The following FHIT variants were observed in gnomAD, a reference collection of about 807,000 sequenced individuals.
FHIT encodes the protein fragile histidine triad diadenosine triphosphatase.
A neutral mutation model predicts 17.9 loss-of-function variants in FHIT; 19 were observed. The observed-to-expected ratio is 1.06, with a 90% CI of 0.74 to 1.56. FHIT has a LOEUF of 1.56. Ranked by LOEUF, FHIT falls within the 40% of genes most tolerant of loss-of-function variation. FHIT has a pLI of 0.00. For synonymous variants in FHIT, 81 were observed against 69.7 expected (o/e 1.16, Z -0.81); for missense variants, 248 against 189.2 (o/e 1.31, Z -1.82).
intron 4 of FHIT, among the ~76,000 whole-genome samples, chr3:60,725,055 T>C (rs2041890416): frequency 6.6e-6 from 1 of 152,214 alleles, no homozygotes; most frequent in African/African-American, 2.4e-5. Flanking sequence ...CATCTTTTCA[T>C]GGGCTTATTA....
chr3:60,990,913 C>T lies in FHIT; in HGVS notation c.-111+51134G>A, dbSNP rs542557251. Among the ~76,000 whole-genome samples the T allele has an allele frequency of 5.9e-5, 9 of 152,262 alleles. No homozygotes were observed. In the South Asian group the frequency reaches 1.9e-3, roughly 32 times the overall value. On this transcript the variant is annotated intron_variant, in intron 3 of 9. Coordinates refer to ENST00000492590, the MANE Select transcript of FHIT (RefSeq NM_002012.4). The stretch of plus-strand genomic sequence containing the variant: ...ACATTTTTCCATTCCTTTGTTTATT[C>T]AGGCAATACCCGTTTGAGTACCTAC...
chr3:60,402,219 C>A (rs761670413), intron 5 of FHIT, among the ~76,000 whole-genome samples: 3 of 152,170 alleles, frequency 2.0e-5, no homozygotes, highest in Non-Finnish European at 2.9e-5. Flanking sequence ...TACATCTGGG[C>A]TTGTCACTCA....
chr3:60,232,883 A>G (rs1024235609), intron 5 of FHIT, among the ~76,000 whole-genome samples: 28 of 152,190 alleles, frequency 1.8e-4, no homozygotes, highest in African/African-American at 5.8e-4. Flanking sequence ...ATGAGACTGG[A>G]TATGTGATGA....
intron 3 of FHIT, among the ~76,000 whole-genome samples, chr3:60,844,684 T>A (rs1702862236): frequency 6.6e-6 from 1 of 152,206 alleles, no homozygotes; most frequent in South Asian, 2.1e-4. Flanking sequence ...CTTTCATATG[T>A]AATTAATCAT....
At chr3:60,142,271 G>C (rs1217018347) in intron 5 of FHIT, among the ~76,000 whole-genome samples, 1 of 152,146 alleles carries the variant, frequency 6.6e-6, no homozygotes, top group Admixed American at 6.5e-5. Flanking sequence ...CCAGCACGTA[G>C]CTCATAAGGT....
chr3:60,251,983 G>A (rs1007501492), intron 5 of FHIT, among the ~76,000 whole-genome samples: 2 of 152,098 alleles, frequency 1.3e-5, no homozygotes, highest in African/African-American at 4.8e-5. Flanking sequence ...TCTGGAAAAC[G>A]CATTCCAAAG....
At chr3:60,445,483 A>AG (rs1047207680) in intron 5 of FHIT, among the ~76,000 whole-genome samples, 17 of 102,036 alleles carry the variant, frequency 1.7e-4, no homozygotes, top group African/African-American at 1.1e-3. Context: ...AAGAAGAAGA[A>AG]AAAAAAAAGA....
rs566776464 is a variant in FHIT, at chr3:60,839,823, G to A, written c.-110-17812C>T. 7.9e-5 allele frequency among the ~76,000 whole-genome samples: 12 copies of A among 152,156 alleles called. No homozygotes were observed. The South Asian group carries it at 1.9e-3, about 24-fold the overall frequency. On this transcript the variant is annotated intron_variant, in intron 3 of 9. Coordinates refer to ENST00000492590, the MANE Select transcript of FHIT (RefSeq NM_002012.4). The stretch of plus-strand genomic sequence containing the variant: ...TTTCTGCATTTACATAACTGCTATC[G>A]CACTTCTGGTGAAAAGTAGTTTCAG...
intron 3 of FHIT, among the ~76,000 whole-genome samples, chr3:60,829,285 T>C (rs1361250081): frequency 6.6e-6 from 1 of 152,216 alleles, no homozygotes; most frequent in Non-Finnish European, 1.5e-5. Flanking sequence ...ATTACCCCTC[T>C]GGGTTTGATC....
chr3:61,161,937 T>A (rs1375040824), intron 2 of FHIT, among the ~76,000 whole-genome samples: 1 of 152,186 alleles, frequency 6.6e-6, no homozygotes, highest in Non-Finnish European at 1.5e-5. Context: ...ACTGAACACA[T>A]CCAGTTTACA....
chr3:60,033,201 G>A (rs76460767), intron 5 of FHIT, among the ~76,000 whole-genome samples: 1 of 152,110 alleles, frequency 6.6e-6, no homozygotes, highest in Non-Finnish European at 1.5e-5. Flanking sequence ...TTAATTTTGT[G>A]AAATATGATA....
chr3:60,070,188 C>T (rs2630184), intron 5 of FHIT, among the ~76,000 whole-genome samples: 50,744 of 151,926 alleles, frequency 0.33, 9,787 homozygotes, highest in African/African-American at 0.53. Context: ...AGAACTGACT[C>T]ACCAGGTAGG....
chr3:60,432,536 T>C (rs1189305422), intron 5 of FHIT, among the ~76,000 whole-genome samples: 1 of 152,108 alleles, frequency 6.6e-6, no homozygotes, highest in Admixed American at 6.6e-5. Flanking sequence ...ACACAGAGGT[T>C]CTTTTAAAAG....
At chr3:60,077,742 G>C (rs1453799273) in intron 5 of FHIT, among the ~76,000 whole-genome samples, 3 of 131,418 alleles carry the variant, frequency 2.3e-5, no homozygotes, top group Middle Eastern at 3.4e-3. Context: ...ATATAGAGGG[G>C]GGGGGGAGGA....
At chr3:60,098,789 A>T (rs897057138) in intron 5 of FHIT, among the ~76,000 whole-genome samples, 1 of 152,164 alleles carries the variant, frequency 6.6e-6, no homozygotes, top group Non-Finnish European at 1.5e-5. Flanking sequence ...CAACATACAA[A>T]ATGTGTTAAC....
At chr3:60,536,786 T>C (rs2035996685) in intron 5 of FHIT, 74 bp downstream of exon 5, 3 of 1,480,862 alleles carry the variant, frequency 2.0e-6, no homozygotes, top group Non-Finnish European at 2.7e-6. Flanking sequence ...GCCAATCTTG[T>C]ATTTATATTC....
At chr3:60,380,590 T>C (rs1199960626) in intron 5 of FHIT, among the ~76,000 whole-genome samples, 1 of 152,166 alleles carries the variant, frequency 6.6e-6, no homozygotes, top group Non-Finnish European at 1.5e-5. Context: ...AGGGTACAGA[T>C]TTTAAAAGCA....
chr3:60,345,529 G>A (rs924832528), intron 5 of FHIT, among the ~76,000 whole-genome samples: 1 of 152,162 alleles, frequency 6.6e-6, no homozygotes, highest in East Asian at 1.9e-4. Context: ...TAAATTATTA[G>A]ATTTCAGAAA....
At chr3:60,931,919 A>C (rs1018900820) in intron 3 of FHIT, among the ~76,000 whole-genome samples, 6 of 152,190 alleles carry the variant, frequency 3.9e-5, no homozygotes, top group Admixed American at 1.3e-4. Context: ...TATGTGAAAA[A>C]TTCTGTGGAT....
Sources: allele counts gnomAD v4.1 joint callset (sites outside exome capture counted in the v4.1 genomes callset), GRCh38; gene constraint gnomAD v4.1.1; transcripts MANE v1.5; gene names NCBI Gene and HGNC (gene_info 2026-07-23, HGNC 2026-07-21).